The following TRIM37 variants were observed in gnomAD, a reference collection of about 807,000 sequenced individuals.
TRIM37 encodes the protein E3 ubiquitin-protein ligase TRIM37.
Under a neutral mutation model 129.8 loss-of-function variants are expected in TRIM37, and 80 were observed. That is an observed-to-expected ratio of 0.62 (90% CI 0.51 to 0.74). The LOEUF (loss-of-function observed/expected upper bound fraction) is 0.74, where lower values mean the gene tolerates loss of function less well. Ranked by LOEUF, TRIM37 falls within the 30% of genes least tolerant of loss-of-function variation. TRIM37 has a pLI of 0.00. For missense variants in TRIM37, 1,054 were observed against 1,176.5 expected, an observed-to-expected ratio of 0.90 and a Z score of 1.52; for synonymous variants, 389 against 387.1, an observed-to-expected ratio of 1.00 and a Z score of -0.06.
intron 13 of TRIM37, among the ~76,000 whole-genome samples, chr17:59,053,378 C>T (rs2040536128): frequency 6.6e-6 from 1 of 152,068 alleles, no homozygotes; most frequent in African/African-American, 2.4e-5. Flanking sequence ...ATGTGAAGCC[C>T]CCTATCCACA....
intron 8 of TRIM37, among the ~76,000 whole-genome samples, chr17:59,075,055 G>A (rs1479975675): frequency 2.6e-5 from 4 of 152,058 alleles, no homozygotes; most frequent in Admixed American, 6.6e-5. Flanking sequence ...CACAGTGTGG[G>A]GAGATTTTAA....
intron 13 of TRIM37, 124 bp from the exon 14 acceptor site, chr17:59,051,452 G>A (rs2040337711): frequency 1.4e-6 from 1 of 713,688 alleles, no homozygotes; most frequent in African/African-American, 1.8e-5. Flanking sequence ...ACTTAGAGCT[G>A]CTAGTATTTG....
rs1356900390 is a variant in TRIM37, at chr17:59,028,843, C to T, written c.1949-120G>A. 3.2e-6 allele frequency: 3 copies of T among 945,008 alleles called. No homozygotes were observed. In the East Asian group the frequency reaches 7.6e-5, roughly 24 times the overall value. The allele number at this position is 945,008 out of a possible 1,614,324, so 58.5% of individuals were successfully genotyped here. A position where few individuals can be genotyped will look rare whatever the true frequency, so the allele number is the denominator to read the frequency against. ...GCTAGCGTGCTTTACGTGGTATCAA[C>T]AATAAAACATGCACTAAATTCCATT... is the stretch of plus-strand genomic sequence containing the variant. On this transcript the variant is annotated intron_variant, in intron 18 of 23. Transcript: ENST00000262294.
downstream of TRIM37, among the ~76,000 whole-genome samples, chr17:58,978,643 A>G (rs1196327624): frequency 6.6e-6 from 1 of 152,162 alleles, no homozygotes; most frequent in Admixed American, 6.5e-5. Context: ...CCTGGGAGGC[A>G]GAGGCTGCAG....
rs2046044036 is a variant in TRIM37 at position 59,106,787 on chromosome 17, T to A, written c.-326A>T. 1 of 542,200 alleles carries A rather than the reference T, an allele frequency of 1.8e-6. No individual in the cohort carries two copies. Among genetic ancestry groups the A allele is most frequent in the East Asian group, 3.2e-5 (1 of 31,062 alleles). The allele number at this position is 542,200 out of a possible 1,614,324, so 33.6% of individuals were successfully genotyped here. On this transcript the variant is annotated 5_prime_UTR_variant, in exon 1 of 24. Coordinates refer to ENST00000262294, the MANE Select transcript of TRIM37 (RefSeq NM_015294.6). ...TGACGCGGGCGCGCGCCTATGGAACTGACGGTGGAGTTCAGCGAAGAAGGT... is the reference window on the plus strand; with the variant it reads ...TGACGCGGGCGCGCGCCTATGGAACAGACGGTGGAGTTCAGCGAAGAAGGT...
chr17:59,000,320 G>A (rs1442013588), intron 23 of TRIM37, among the ~76,000 whole-genome samples: 1 of 152,118 alleles, frequency 6.6e-6, no homozygotes, highest in Non-Finnish European at 1.5e-5. Flanking sequence ...TTTAGGTAGG[G>A]CTGGCATGGT....
intron 20 of TRIM37, 32 bp from the exon 21 acceptor site, chr17:59,015,831 T>C (rs2035861954): frequency 4.4e-6 from 7 of 1,606,750 alleles, no homozygotes; most frequent in South Asian, 2.2e-5. Flanking sequence ...ATACAAAAAT[T>C]AGCTGGGCAT....
intron 13 of TRIM37, 56 bp downstream of exon 13, chr17:59,056,819 T>G: frequency 7.0e-7 from 1 of 1,432,258 alleles, no homozygotes. Context: ...GAAATATAGT[T>G]CTGATGATAT....
Position 59,085,667 on chromosome 17 carries a change from C to T in TRIM37, c.282-1578G>A, listed in dbSNP as rs114406887. Among the ~76,000 whole-genome samples the T allele has an allele frequency of 3.5e-3, 535 of 152,214 alleles. 4 individuals carry two copies. Among genetic ancestry groups the T allele is most frequent in the African/African-American group, 0.012 (494 of 41,538 alleles). ...AAAACTTAAATTAAAAATAGAATTA[C>T]CACATGATCTAGCAATTCTACTTCT... On this transcript the variant is annotated intron_variant, in intron 4 of 23. Coordinates refer to ENST00000262294, the MANE Select transcript of TRIM37 (RefSeq NM_015294.6).
At chr17:59,063,415 T>A (rs60428857) in intron 10 of TRIM37, among the ~76,000 whole-genome samples, 3,600 of 152,208 alleles carry the variant, frequency 0.024, 138 homozygotes, top group African/African-American at 0.082. Context: ...CTGACCTCGA[T>A]GATCCACCCG....
intron 4 of TRIM37, among the ~76,000 whole-genome samples, chr17:59,086,065 G>C (rs1216708131): frequency 1.3e-5 from 2 of 152,088 alleles, no homozygotes; most frequent in Non-Finnish European, 2.9e-5. Flanking sequence ...AATGGGTACA[G>C]TTTCAGATTT....
At chr17:59,101,698 A>T (rs2045520508) in intron 2 of TRIM37, among the ~76,000 whole-genome samples, 1 of 84,514 alleles carries the variant, frequency 1.2e-5, no homozygotes, top group Non-Finnish European at 2.4e-5. Flanking sequence ...ATATATATAC[A>T]CACACACACA....
In TRIM37 at chr17:59,028,405, T is replaced by C; in HGVS notation, c.2257+10A>G. On this transcript the variant is annotated intron_variant, in intron 19 of 23. Transcript: ENST00000262294. The stretch of plus-strand genomic sequence containing the variant: ...GTGTGGAGAAATGACACTGGGAACA[T>C]ATTACTTACAGTTTCGTATGTAACA... The C allele has an allele frequency of 6.2e-7, 1 of 1,609,316 alleles. No individual in the cohort carries two copies. Among genetic ancestry groups the C allele is most frequent in the Non-Finnish European group, 8.5e-7 (1 of 1,179,764 alleles).
rs312262702 is a variant in TRIM37, at chr17:59,028,673, G to C, written c.1999C>G (p.Arg667Gly). ...KDQRKQQAMW[R>G]VPSDLKMLKR... ...AGCATCTTTAAATCAGAGGGCACTC[G>C]CCACATTGCCTGTTGCTTCCTTTGG... Residue 667 changes from arginine (R) to glycine (G), a missense_variant, in exon 19 of 24, where the codon CGA becomes GGA. Transcript: ENST00000262294. 1 of 1,614,060 alleles carries C rather than the reference G, an allele frequency of 6.2e-7. No individual in the cohort carries two copies. Among genetic ancestry groups the C allele is most frequent in the Non-Finnish European group, 8.5e-7 (1 of 1,180,032 alleles).
chr17:59,036,873 G>GA (rs1275284621), intron 17 of TRIM37, among the ~76,000 whole-genome samples: 1 of 152,046 alleles, frequency 6.6e-6, no homozygotes, highest in Non-Finnish European at 1.5e-5. Context: ...AGCACTTTGG[G>GA]AGGCTGAGGC....
In TRIM37 at chr17:59,017,384, G is replaced by T; in HGVS notation, c.2298C>A (p.Ser766=). 6.2e-7 allele frequency: 1 copy of T among 1,614,092 alleles called. No homozygotes were observed. Among genetic ancestry groups the T allele is most frequent in the Non-Finnish European group, 8.5e-7 (1 of 1,180,012 alleles). The change falls in exon 20 of 24, where the codon TCC becomes TCA. Residue 766 remains serine (S), a synonymous_variant. Transcript: ENST00000262294. ...GAAGTGATAGACTACCTGCTACACTGGATCGAGCTGGCTTGGGCGAATTAC... is the reference window on the plus strand; with the variant it reads ...GAAGTGATAGACTACCTGCTACACTTGATCGAGCTGGCTTGGGCGAATTAC... ...KKSNSPKPAR[S]SVAGSLSLRR...
chr17:59,100,900 T>TA (rs1462922139), intron 2 of TRIM37, among the ~76,000 whole-genome samples: 1 of 151,678 alleles, frequency 6.6e-6, no homozygotes, highest in Non-Finnish European at 1.5e-5. Flanking sequence ...TGCATGCCTA[T>TA]AATCCCAGCT....
intron 3 of TRIM37, among the ~76,000 whole-genome samples, chr17:59,090,326 A>C (rs1231093107): frequency 2.0e-5 from 3 of 152,170 alleles, no homozygotes; most frequent in Non-Finnish European, 4.4e-5. Flanking sequence ...ATGAAAAAGC[A>C]AACTGCAAAA....
chr17:59,070,007 AC>A (rs2042236440), intron 9 of TRIM37, among the ~76,000 whole-genome samples: 1 of 152,224 alleles, frequency 6.6e-6, no homozygotes, highest in African/African-American at 2.4e-5. Context: ...GTTTAAAGGC[AC>A]CCAGTATATG....
Sources: allele counts gnomAD v4.1 joint callset (sites outside exome capture counted in the v4.1 genomes callset), GRCh38; gene constraint gnomAD v4.1.1; transcripts MANE v1.5; gene names NCBI Gene and HGNC (gene_info 2026-07-23, HGNC 2026-07-21).